The following CLUAP1 variants were observed in gnomAD, a reference collection of about 807,000 sequenced individuals.
CLUAP1 encodes clusterin-associated protein 1.
Under a neutral mutation model 55.0 loss-of-function variants are expected in CLUAP1, and 50 were observed. That is an observed-to-expected ratio of 0.91 (90% CI 0.72 to 1.15). The LOEUF is 1.15. Ranked by LOEUF, CLUAP1 falls within the 50% of genes most tolerant of loss-of-function variation. The pLI, the probability that CLUAP1 is intolerant of heterozygous loss-of-function variation, is 0.00. For missense variants in CLUAP1, 530 were observed against 507.6 expected, an observed-to-expected ratio of 1.04 and a Z score of -0.42; for synonymous variants, 195 against 175.4, an observed-to-expected ratio of 1.11 and a Z score of -0.88.
chr16:3,503,410 G>A (rs553958115), intron 1 of CLUAP1, among the ~76,000 whole-genome samples: 2 of 152,268 alleles, frequency 1.3e-5, no homozygotes, highest in South Asian at 2.1e-4. Context: ...TGATCCACTC[G>A]CCTCGGCCTC....
At chr16:3,516,450 C>G (rs1363329334) in intron 6 of CLUAP1, among the ~76,000 whole-genome samples, 1 of 152,042 alleles carries the variant, frequency 6.6e-6, no homozygotes, top group Non-Finnish European at 1.5e-5. Context: ...GCACCACAGC[C>G]CTGGTGGGAG....
intron 5 of CLUAP1, among the ~76,000 whole-genome samples, chr16:3,513,531 C>T (rs1418617749): frequency 6.6e-6 from 1 of 151,804 alleles, no homozygotes; most frequent in Non-Finnish European, 1.5e-5. Flanking sequence ...CTCACTAAAA[C>T]CTCCGCCTCC....
intron 5 of CLUAP1, 97 bp from the exon 6 acceptor site, chr16:3,515,411 C>A: frequency 1.2e-6 from 1 of 805,090 alleles, no homozygotes. Context: ...CAATAAACTT[C>A]GGAGAATCAG....
chr16:3,518,524 T>C (rs1342135239), intron 6 of CLUAP1, among the ~76,000 whole-genome samples: 1 of 152,238 alleles, frequency 6.6e-6, no homozygotes, highest in Non-Finnish European at 1.5e-5. Flanking sequence ...TGTGGATCTT[T>C]CTTGTTTGAG....
In CLUAP1 at chr16:3,510,785, G is replaced by T. The variant is rs75893230; in HGVS notation, c.400-1598G>T. Among the ~76,000 whole-genome samples, 6 of 152,336 alleles carry T rather than the reference G, an allele frequency of 3.9e-5. No individual in the cohort carries two copies. In the East Asian group the frequency reaches 1.2e-3, roughly 29 times the overall value. On this transcript the variant is annotated intron_variant, in intron 4 of 11. Coordinates refer to ENST00000576634, the MANE Select transcript of CLUAP1 (RefSeq NM_015041.3). Reference sequence around the variant, plus strand: ...CACTGCTCTGAAGTTTTTTGTGTGAGCCCCTGGAAGGATGAAGTTGCCATG... The same window carrying T: ...CACTGCTCTGAAGTTTTTTGTGTGATCCCCTGGAAGGATGAAGTTGCCATG...
chr16:3,517,461 C>A (rs2037750654), intron 6 of CLUAP1, among the ~76,000 whole-genome samples: 1 of 151,958 alleles, frequency 6.6e-6, no homozygotes. Context: ...CATGCGCCAC[C>A]ACGCCCAGCT....
chr16:3,500,357 G>C (rs933234723), upstream of CLUAP1, among the ~76,000 whole-genome samples: 8 of 150,226 alleles, frequency 5.3e-5, no homozygotes, highest in African/African-American at 7.3e-5. Context: ...GGCTTCCTGA[G>C]TATAGTGCAT....
At chr16:3,529,656 T>TA (rs1190957467) in intron 9 of CLUAP1, among the ~76,000 whole-genome samples, 213 of 15,770 alleles carry the variant, frequency 0.014, 12 homozygotes, top group African/African-American at 0.063. Context: ...TATATTATTA[T>TA]ATATTATATA....
At chr16:3,529,533 G>GTTATATATTATTATATA (rs1165980583) in intron 9 of CLUAP1, among the ~76,000 whole-genome samples, 13 of 36,668 alleles carry the variant, frequency 3.5e-4, no homozygotes, top group Admixed American at 4.8e-4. Context: ...ATTATTATAT[G>GTTATATATTATTATATA]TTATATATTA....
chr16:3,512,346 G>T, intron 4 of CLUAP1, 37 bp from the exon 5 acceptor site: 2 of 1,506,766 alleles, frequency 1.3e-6, no homozygotes, highest in South Asian at 2.2e-5. Context: ...AAAAACATCT[G>T]TTGCTGAGGT....
At chr16:3,505,405 C>A (rs1204006509) in intron 2 of CLUAP1, among the ~76,000 whole-genome samples, 2 of 151,098 alleles carry the variant, frequency 1.3e-5, no homozygotes, top group Non-Finnish European at 1.5e-5. Context: ...TGGCGGGCGC[C>A]TGTGGTCCCA....
Position 3,519,946 on chromosome 16 carries a change from C to T in CLUAP1, c.623C>T (p.Ser208Phe), listed in dbSNP as rs751687142. ...KTKDLLNNVA[S>F]DEANLEAKIE... is the part of the protein sequence containing the mutation. Reference sequence around the variant, plus strand: ...AAAGACCTGCTCAATAATGTGGCCTCTGATGAAGCTAATTTAGAAGCCAAA... The same window carrying T: ...AAAGACCTGCTCAATAATGTGGCCTTTGATGAAGCTAATTTAGAAGCCAAA... The change falls in exon 7 of 12, where the codon TCT becomes TTT. Residue 208 changes from serine to phenylalanine, a missense_variant. Ser to Phe is a radical substitution (Grantham distance 155). Transcript: ENST00000576634. 6.2e-7 allele frequency: 1 copy of T among 1,613,596 alleles called. No homozygotes were observed. Among genetic ancestry groups the T allele is most frequent in the Non-Finnish European group, 8.5e-7 (1 of 1,179,834 alleles).
In CLUAP1 at chr16:3,512,555, T is replaced by C. The variant is rs2037650342; in HGVS notation, c.495+77T>C. On this transcript the variant is annotated intron_variant, in intron 5 of 11. Transcript: ENST00000576634. ...CTTTTTCAATTCTGTTTCTCCCTTTTCAGTTCTGATTTAATGAAATACACC... is the reference window on the plus strand; with the variant it reads ...CTTTTTCAATTCTGTTTCTCCCTTTCCAGTTCTGATTTAATGAAATACACC... 4 of 1,140,922 alleles carry C rather than the reference T, an allele frequency of 3.5e-6. No individual in the cohort carries two copies. The African/African-American group carries it at 4.6e-5, about 13-fold the overall frequency. 70.7% of individuals were successfully genotyped at this position (1,140,922 alleles called of 1,614,324 possible).
chr16:3,516,748 TAC>T (rs1374632520), intron 6 of CLUAP1, among the ~76,000 whole-genome samples: 1 of 152,230 alleles, frequency 6.6e-6, no homozygotes, highest in Non-Finnish European at 1.5e-5. Flanking sequence ...CCCACACTCA[TAC>T]ATTTCTTAGC....
At chr16:3,527,456 G>A (rs114588446) in intron 9 of CLUAP1, among the ~76,000 whole-genome samples, 2,675 of 152,204 alleles carry the variant, frequency 0.018, 79 homozygotes, top group African/African-American at 0.055. Flanking sequence ...CTGGGAAGCC[G>A]CCCGTTGCCA....
chr16:3,529,380 T>G (rs1324531214), intron 9 of CLUAP1, among the ~76,000 whole-genome samples: 1 of 119,396 alleles, frequency 8.4e-6, no homozygotes, highest in African/African-American at 3.2e-5. Flanking sequence ...TTTGTATGTG[T>G]GTGTGTGTGT....
intron 7 of CLUAP1, among the ~76,000 whole-genome samples, chr16:3,520,378 A>T (rs1006509456): frequency 6.6e-6 from 1 of 152,086 alleles, no homozygotes. Context: ...TAACAGAACA[A>T]GGCCCTGACT....
chr16:3,507,274 T>G (rs1300877430), intron 3 of CLUAP1, among the ~76,000 whole-genome samples: 1 of 151,842 alleles, frequency 6.6e-6, no homozygotes, highest in East Asian at 1.9e-4. Flanking sequence ...GAAAGTAGGC[T>G]GGGCGTGGTT....
intron 1 of CLUAP1, among the ~76,000 whole-genome samples, chr16:3,502,960 G>T (rs1245058800): frequency 1.3e-5 from 2 of 152,164 alleles, no homozygotes. Context: ...GTGCCTTACT[G>T]TGTGAAGGAA....
Sources: gnomAD v4.1 joint callset for allele counts (sites outside exome capture counted in the v4.1 genomes callset) on GRCh38, gnomAD v4.1.1 for gene constraint, MANE v1.5 for transcripts, NCBI Gene and HGNC (gene_info 2026-07-23, HGNC 2026-07-21) for gene names.